PRMT7: variants seen among roughly 807,000 people sequenced by gnomAD.
PRMT7 encodes the protein protein arginine N-methyltransferase 7.
PRMT7 carries 75 observed loss-of-function variants against 85.4 expected under a neutral mutation model. The ratio of observed to expected loss-of-function variants is 0.88; its 90% CI spans 0.73 to 1.06. The LOEUF is 1.06. PRMT7 is among the 50% of genes least tolerant of loss of function. The probability of loss-of-function intolerance (pLI) is 0.00; values close to 1 mark genes in which losing one functional copy is unlikely to be tolerated. For synonymous variants in PRMT7, 397 were observed against 359.5 expected (o/e 1.10, Z -1.18); for missense variants, 868 against 915.2 (o/e 0.95, Z 0.67).
intron 6 of PRMT7, among the ~76,000 whole-genome samples, chr16:68,331,327 C>T (rs1353824258): frequency 2.0e-5 from 3 of 151,928 alleles, no homozygotes; most frequent in Admixed American, 6.6e-5. Flanking sequence ...GATAGATGTA[C>T]CATAACTTGT....
Position 68,352,253 on chromosome 16 carries a change from TCTC to T in PRMT7, c.1425_1427del (p.Leu476del), listed in dbSNP as rs1425002202. The T allele has an allele frequency of 4.3e-6, 7 of 1,613,086 alleles. No individual in the cohort carries two copies. Among genetic ancestry groups the T allele is most frequent in the South Asian group, 2.2e-5 (2 of 91,046 alleles). ...GCTTCTCGCCCATTCACCAGGTCTC[TCTC>T]CTCCTGGGCGAGCCGTTCTTCACTA... On this transcript the variant is annotated inframe_deletion, in exon 15 of 19. Transcript: ENST00000441236.
At chr16:68,341,444 T>C (rs1476837180) in intron 9 of PRMT7, among the ~76,000 whole-genome samples, 1 of 152,184 alleles carries the variant, frequency 6.6e-6, no homozygotes, top group East Asian at 1.9e-4. Flanking sequence ...AGTTTCGTTC[T>C]TGTTGGTCAG....
chr16:68,316,726 A>G (rs1199779318), intron 3 of PRMT7: 1 of 152,696 alleles, frequency 6.5e-6, no homozygotes, highest in African/African-American at 2.4e-5. Context: ...AGATCGAGCC[A>G]TTGCACTCCA....
At chr16:68,356,471 T>C (rs143776782) in intron 17 of PRMT7, among the ~76,000 whole-genome samples, 50 of 152,250 alleles carry the variant, frequency 3.3e-4, no homozygotes, top group African/African-American at 1.1e-3. Context: ...CCCTGCCCCA[T>C]GTGTGGCCCG....
chr16:68,324,442 C>G (rs976005220), intron 4 of PRMT7: 1 of 544,890 alleles, frequency 1.8e-6, no homozygotes, highest in Admixed American at 3.3e-5. Flanking sequence ...TTGCAGGGCT[C>G]TGGCATCACT....
At chr16:68,336,712 T>G (rs2084742390) in intron 6 of PRMT7, among the ~76,000 whole-genome samples, 1 of 152,214 alleles carries the variant, frequency 6.6e-6, no homozygotes, top group Non-Finnish European at 1.5e-5. Context: ...TATTTTTACC[T>G]GGTTTCTTTT....
chr16:68,316,463 T>C (rs995371376), intron 3 of PRMT7, among the ~76,000 whole-genome samples: 2 of 152,112 alleles, frequency 1.3e-5, no homozygotes, highest in African/African-American at 2.4e-5. Context: ...AGAAGAAATA[T>C]TTAAAAGTAT....
intron 7 of PRMT7, among the ~76,000 whole-genome samples, chr16:68,338,605 C>G (rs987050094): frequency 1.3e-5 from 2 of 151,986 alleles, no homozygotes; most frequent in African/African-American, 2.4e-5. Context: ...GGGAGTGAGT[C>G]CAGTTAGAGC....
downstream of PRMT7, chr16:68,359,301 C>G (rs552916263): frequency 2.0e-5 from 3 of 152,688 alleles, no homozygotes; most frequent in East Asian, 5.7e-4. Context: ...CCAGTCAAGG[C>G]TCACAGGCCA....
Position 68,345,869 on chromosome 16 carries a change from G to C in PRMT7, c.1055+67G>C, listed in dbSNP as rs1373937825. ...CTTGTATGTAAATTCCCCATTTACA[G>C]ATCCTCTGGAGGTGCCAGTGGGTTG... On this transcript the variant is annotated intron_variant, in intron 10 of 18. Transcript: ENST00000441236. 2.5e-6 allele frequency: 4 copies of C among 1,597,394 alleles called. No individual in the cohort carries two copies. In the African/African-American group the frequency reaches 5.4e-5, roughly 21 times the overall value.
intron 6 of PRMT7, among the ~76,000 whole-genome samples, chr16:68,332,825 G>A (rs1189756273): frequency 6.6e-6 from 1 of 152,164 alleles, no homozygotes. Flanking sequence ...AGCCAGAGCA[G>A]GGTAAGGGTT....
At chr16:68,311,788 C>A (rs13336173) in intron 1 of PRMT7, 1 of 151,442 alleles carries the variant, frequency 6.6e-6, no homozygotes, top group African/African-American at 2.4e-5. Context: ...CAACTTTTAT[C>A]CCGGTCTGTC....
chr16:68,352,501 G>T, intron 15 of PRMT7, 92 bp downstream of exon 15: 2 of 1,291,160 alleles, frequency 1.5e-6, no homozygotes, highest in South Asian at 1.5e-5. Context: ...CTGTAGAGCG[G>T]CTCAGGCCTT....
rs557241802 is a variant in PRMT7, at chr16:68,339,689, TGCAGCCAAATG to T, written c.747-98_747-88del. 7.4e-5 allele frequency: 116 copies of T among 1,573,774 alleles called. 1 individual carries two copies. Among genetic ancestry groups the T allele is most frequent in the Non-Finnish European group, 9.9e-5 (114 of 1,146,908 alleles). The stretch of plus-strand genomic sequence containing the variant: ...ACCTGCCTCGAAGGCAAGAGTCCTT[TGCAGCCAAATG>T]TCATTGCCAGTGAAGTCACTGTAAA... On this transcript the variant is annotated intron_variant, in intron 8 of 18. Transcript: ENST00000441236.
At chr16:68,352,147 T>G in intron 14 of PRMT7, 101 bp from the exon 15 acceptor site, 6 of 1,252,110 alleles carry the variant, frequency 4.8e-6, no homozygotes, top group South Asian at 4.4e-5. Context: ...AGTGAGGGAG[T>G]GACTTGAGTG....
In PRMT7 at chr16:68,357,443, T is replaced by G. The variant is rs982011061; in HGVS notation, c.*219T>G. ...GAGAGGGTGACTGAATTTGGAGCCC[T>G]GGAGGGGCTGGGAAGACCCCCCTGC... On this transcript the variant is annotated 3_prime_UTR_variant, in exon 19 of 19. Coordinates refer to ENST00000441236, the MANE Select transcript of PRMT7 (RefSeq NM_019023.5). 7.4e-6 allele frequency: 4 copies of G among 542,922 alleles called. No homozygotes were observed. The African/African-American group carries it at 7.7e-5, about 10-fold the overall frequency. The allele number at this position is 542,922 out of a possible 1,614,324, so 33.6% of individuals were successfully genotyped here.
rs370450441 is a variant in PRMT7 at position 68,337,935 on chromosome 16, G to A, written c.504+364G>A. Among the ~76,000 whole-genome samples the A allele has an allele frequency of 1.2e-3, 182 of 152,286 alleles. 5 individuals carry two copies. In the South Asian group the frequency reaches 0.035, roughly 29 times the overall value. ...CACGTGCTAGACGTGAGACTGAATCGGTGCGGTGGCTCCGGAGCCTGCTTT... is the reference window on the plus strand; with the variant it reads ...CACGTGCTAGACGTGAGACTGAATCAGTGCGGTGGCTCCGGAGCCTGCTTT... On this transcript the variant is annotated intron_variant, in intron 7 of 18. Coordinates refer to ENST00000441236, the MANE Select transcript of PRMT7 (RefSeq NM_019023.5).
chr16:68,358,911 G>C (rs1283499021), downstream of PRMT7: 16 of 150,548 alleles, frequency 1.1e-4, no homozygotes, highest in Admixed American at 9.3e-4. Context: ...ACACGTGGGT[G>C]GGGGGGTCCC....
intron 5 of PRMT7, among the ~76,000 whole-genome samples, 194 bp from the exon 6 acceptor site, chr16:68,328,872 C>A (rs1486722171): frequency 6.6e-6 from 1 of 152,270 alleles, no homozygotes; most frequent in African/African-American, 2.4e-5. Flanking sequence ...GTGCCTGGCA[C>A]GGAATGAGAG....
Sources: gnomAD v4.1 joint callset for allele counts (sites outside exome capture counted in the v4.1 genomes callset) on GRCh38, gnomAD v4.1.1 for gene constraint, MANE v1.5 for transcripts, NCBI Gene and HGNC (gene_info 2026-07-23, HGNC 2026-07-21) for gene names.